Variants in BANP observed in about 807,000 individuals in gnomAD.
BANP encodes the protein protein BANP.
Under a neutral mutation model 68.1 loss-of-function variants are expected in BANP, and 11 were observed. The ratio of observed to expected loss-of-function variants is 0.16; its 90% confidence interval spans 0.10 to 0.27. The LOEUF is 0.27. Ranked by LOEUF, BANP falls within the 10% of genes least tolerant of loss-of-function variation. The probability of loss-of-function intolerance (pLI) is 1.00; values close to 1 mark genes in which losing one functional copy is unlikely to be tolerated. For missense variants in BANP, 504 were observed against 722.7 expected (o/e 0.70, Z 3.47); for synonymous variants, 329 against 303.2 (o/e 1.09, Z -0.88).
intron 1 of BANP, among the ~76,000 whole-genome samples, chr16:87,962,460 C>G (rs545971338): frequency 1.3e-5 from 2 of 152,094 alleles, no homozygotes; most frequent in Non-Finnish European, 2.9e-5. Flanking sequence ...GGTGCAAGCT[C>G]TTCAGGACCC....
intron 11 of BANP, among the ~76,000 whole-genome samples, chr16:88,053,132 C>CCAT (rs201304939): frequency 1.3e-5 from 2 of 151,646 alleles, no homozygotes; most frequent in Non-Finnish European, 2.9e-5. Flanking sequence ...ACTGTCATCT[C>CCAT]CATCATCATC....
chr16:88,039,808 G>C (rs77371418), intron 11 of BANP, among the ~76,000 whole-genome samples: 15,219 of 132,772 alleles, frequency 0.11, 1,497 homozygotes, highest in South Asian at 0.17. Context: ...TGGTGTCTCT[G>C]GTTCCTCCGT....
At chr16:87,970,410 A>T (rs1358671659) in intron 1 of BANP, among the ~76,000 whole-genome samples, 1 of 152,204 alleles carries the variant, frequency 6.6e-6, no homozygotes, top group Non-Finnish European at 1.5e-5. Context: ...TCTGTTACCT[A>T]GATTCTTAAT....
chr16:87,951,666 T>G (rs1246555929), intron 1 of BANP, among the ~76,000 whole-genome samples, 151 bp downstream of exon 1: 3 of 139,850 alleles, frequency 2.1e-5, no homozygotes, highest in South Asian at 2.5e-4. Flanking sequence ...GGCCGGGCGA[T>G]CGCCCCCCGG....
intron 11 of BANP, among the ~76,000 whole-genome samples, chr16:88,054,647 G>A (rs2084510777): frequency 6.6e-6 from 1 of 152,228 alleles, no homozygotes; most frequent in Admixed American, 6.5e-5. Flanking sequence ...ATTATCCTGA[G>A]TTGTTTTCTA....
intron 11 of BANP, among the ~76,000 whole-genome samples, chr16:88,060,718 G>A (rs1424294028): frequency 2.0e-5 from 3 of 152,174 alleles, no homozygotes; most frequent in Non-Finnish European, 2.9e-5. Flanking sequence ...GTGTGAAATT[G>A]GATGGCAGCC....
rs1409005838 is a variant in BANP, at chr16:87,998,881, C to T, written c.363-5414C>T. ...CCTTCCAGACACGTCTCCATGCACG[C>T]ACGTGCGCGGCTGTACTTACCAGGC... On this transcript the variant is annotated intron_variant, in intron 4 of 13. Transcript: ENST00000682872. Among the ~76,000 whole-genome samples the T allele has an allele frequency of 4.7e-5, 6 of 128,526 alleles. No individual in the cohort carries two copies. The East Asian group carries it at 1.5e-3, about 33-fold the overall frequency. 84.3% of individuals were successfully genotyped at this position (128,526 alleles called of 152,430 possible).
At chr16:87,963,751 C>T (rs1049063187) in intron 1 of BANP, among the ~76,000 whole-genome samples, 2 of 152,184 alleles carry the variant, frequency 1.3e-5, no homozygotes, top group African/African-American at 4.8e-5. Flanking sequence ...GAAGGAAGCC[C>T]TAGTGTTAAA....
At chr16:88,015,636 C>T (rs1215707425) in intron 6 of BANP, among the ~76,000 whole-genome samples, 1 of 152,254 alleles carries the variant, frequency 6.6e-6, no homozygotes, top group Non-Finnish European at 1.5e-5. Context: ...GTCAGCTCTA[C>T]CCCTGCCTGT....
intron 4 of BANP, among the ~76,000 whole-genome samples, chr16:87,987,809 A>G (rs912541369): frequency 6.7e-6 from 1 of 148,702 alleles, no homozygotes; most frequent in Non-Finnish European, 1.5e-5. Context: ...TCTGTGATGC[A>G]GGCTGGAGTA....
At chr16:87,995,513 T>G (rs2066953115) in intron 4 of BANP, among the ~76,000 whole-genome samples, 1 of 152,230 alleles carries the variant, frequency 6.6e-6, no homozygotes. Context: ...TGGCTGTTGT[T>G]GAAATACTTT....
intron 6 of BANP, among the ~76,000 whole-genome samples, chr16:88,012,193 C>T (rs12448700): frequency 0.18 from 27,962 of 152,180 alleles, 3,188 homozygotes; most frequent in South Asian, 0.27. Context: ...CATTTTGAGC[C>T]GTGATGTGTG....
chr16:87,994,643 T>C (rs2066722448), intron 4 of BANP, among the ~76,000 whole-genome samples: 1 of 152,296 alleles, frequency 6.6e-6, no homozygotes, highest in East Asian at 1.9e-4. Context: ...TTTATGACTT[T>C]TTAATCTTTA....
chr16:88,036,486 T>C lies in BANP; in HGVS notation c.1272+1092T>C, dbSNP rs2079391307. ...GCCCAAGTGCCCGTGAGCAAGACTG[T>C]GGACACATGCACGCCGTGGCACGTG... On this transcript the variant is annotated intron_variant, in intron 10 of 13. Transcript: ENST00000682872. The surrounding 1 kb of genome is among the most constrained non-coding windows in gnomAD (Gnocchi z 4.2). Among the ~76,000 whole-genome samples the C allele has an allele frequency of 6.6e-6, 1 of 152,072 alleles. No individual in the cohort carries two copies. Among genetic ancestry groups the C allele is most frequent in the South Asian group, 2.1e-4 (1 of 4,824 alleles).
In BANP at chr16:88,018,723, C is replaced by T. The variant is rs2075159013; in HGVS notation, c.895+56C>T. On this transcript the variant is annotated intron_variant, in intron 7 of 13. Transcript: ENST00000682872. The surrounding 1 kb of genome is among the most constrained non-coding windows in gnomAD (Gnocchi z 7.7). ...GTGTGCGGGGAGCTGGGTCAGGACCCACATTTCAATGCTGAGGACGCTGGC... is the reference window on the plus strand; with the variant it reads ...GTGTGCGGGGAGCTGGGTCAGGACCTACATTTCAATGCTGAGGACGCTGGC... The T allele has an allele frequency of 1.3e-5, 20 of 1,519,482 alleles. No homozygotes were observed. The highest frequency in any genetic ancestry group is 6.1e-5 in the Admixed American group (3 of 49,192). The allele number at this position is 1,519,482 out of a possible 1,614,324, so 94.1% of individuals were successfully genotyped here.
chr16:88,049,571 T>C (rs994303613), intron 11 of BANP, among the ~76,000 whole-genome samples: 7 of 151,998 alleles, frequency 4.6e-5, no homozygotes, highest in South Asian at 2.1e-4. Context: ...GGGGGATCAT[T>C]AGAGTGAAAG....
chr16:88,076,431 T>G (rs1481537017), intron 13 of BANP, among the ~76,000 whole-genome samples, 159 bp from the exon 14 acceptor site: 2 of 152,238 alleles, frequency 1.3e-5, no homozygotes, highest in African/African-American at 4.8e-5. Context: ...CCAGGCGTTG[T>G]GTACCAAGTC....
At chr16:88,065,401 C>A in intron 12 of BANP, 69 bp downstream of exon 12, 1 of 686,596 alleles carries the variant, frequency 1.5e-6, no homozygotes, top group Non-Finnish European at 2.6e-6. Flanking sequence ...TTTAAAGACC[C>A]CCGCGATGAC....
At chr16:88,047,750 C>G (rs889532894) in intron 11 of BANP, among the ~76,000 whole-genome samples, 17 of 152,184 alleles carry the variant, frequency 1.1e-4, no homozygotes, top group African/African-American at 4.1e-4. Context: ...TTCAGGTCCT[C>G]AGAGGATTTA....
Sources: gnomAD v4.1 joint callset for allele counts (sites outside exome capture counted in the v4.1 genomes callset) on GRCh38, gnomAD v4.1.1 for gene constraint, Gnocchi (gnomAD v3.1) non-coding constraint, MANE v1.5 for transcripts, NCBI Gene and HGNC (gene_info 2026-07-23, HGNC 2026-07-21) for gene names.